The following CDYL2 variants were observed in gnomAD, a reference collection of about 807,000 sequenced individuals.
CDYL2 encodes chromodomain Y like 2.
In CDYL2, 23 loss-of-function variants were observed where a neutral mutation model predicts 49.4. That is an observed-to-expected ratio of 0.47 (90% CI 0.34 to 0.66). CDYL2 has a LOEUF of 0.66. Among genes scored for constraint, CDYL2 ranks in the 30% least tolerant of loss-of-function variants. The pLI is 0.01. For missense variants in CDYL2, 678 were observed against 656.4 expected, an observed-to-expected ratio of 1.03 and a Z score of -0.36; for synonymous variants, 360 against 268.8, an observed-to-expected ratio of 1.34 and a Z score of -3.32.
At chr16:80,698,941 C>T (rs565651478) in intron 1 of CDYL2, among the ~76,000 whole-genome samples, 2 of 151,978 alleles carry the variant, frequency 1.3e-5, no homozygotes, top group African/African-American at 4.8e-5. Flanking sequence ...CAGGAAAATG[C>T]AAATCAAAAC....
intron 1 of CDYL2, among the ~76,000 whole-genome samples, chr16:80,722,665 C>T (rs1378348293): frequency 6.6e-6 from 1 of 152,214 alleles, no homozygotes; most frequent in Non-Finnish European, 1.5e-5. Context: ...AACTGACAGA[C>T]ATCCGAAAAC....
intron 1 of CDYL2, among the ~76,000 whole-genome samples, chr16:80,696,800 G>A (rs921807179): frequency 2.0e-5 from 3 of 151,864 alleles, no homozygotes; most frequent in Non-Finnish European, 4.4e-5. Context: ...TTTAAAGAAG[G>A]ACTCTAAAAC....
intron 2 of CDYL2, among the ~76,000 whole-genome samples, chr16:80,636,495 T>A (rs993450110): frequency 2.0e-5 from 3 of 151,994 alleles, no homozygotes; most frequent in Non-Finnish European, 4.4e-5. Flanking sequence ...CAAATCAAAA[T>A]CACAATGAGA....
chr16:80,639,627 A>C, intron 2 of CDYL2: 1 of 452,698 alleles, frequency 2.2e-6, no homozygotes, highest in Middle Eastern at 5.1e-4. Flanking sequence ...TACACACAAA[A>C]AAAAATACCT....
chr16:80,674,239 T>G (rs1159380489), intron 2 of CDYL2, among the ~76,000 whole-genome samples: 1 of 152,260 alleles, frequency 6.6e-6, no homozygotes, highest in South Asian at 2.1e-4. Flanking sequence ...CTGTGACACT[T>G]GGACTAACTC....
intron 2 of CDYL2, among the ~76,000 whole-genome samples, chr16:80,643,104 G>A (rs939688449): frequency 2.0e-5 from 3 of 152,264 alleles, no homozygotes; most frequent in Non-Finnish European, 4.4e-5. Context: ...AGACACAAGG[G>A]GGGTACAGGT....
intron 1 of CDYL2, among the ~76,000 whole-genome samples, chr16:80,693,750 G>A (rs1910508558): frequency 2.0e-5 from 3 of 152,072 alleles, no homozygotes; most frequent in South Asian, 2.1e-4. Flanking sequence ...TCCTATGGGG[G>A]TGGATTCATG....
At position 80,612,298 on chromosome 16, in the gene CDYL2, G is replaced by A. The variant is rs985435827; in HGVS notation, c.1218+328C>T. Reference sequence around the variant, plus strand: ...ACACCTATGCTGGACCACTCAAGAGGATGAAGGCAAGTTTTGTTGTTAAAG... The same window carrying A: ...ACACCTATGCTGGACCACTCAAGAGAATGAAGGCAAGTTTTGTTGTTAAAG... On this transcript the variant is annotated intron_variant, in intron 5 of 6. Coordinates refer to ENST00000570137, the MANE Select transcript of CDYL2 (RefSeq NM_152342.4). This position sits in a 1 kb window ranked among gnomAD's most constrained non-coding sequence, Gnocchi z 5.0. Among the ~76,000 whole-genome samples the A allele has an allele frequency of 1.1e-4, 17 of 152,162 alleles. No homozygotes were observed. The highest frequency in any genetic ancestry group is 1.1e-3 in the Admixed American group (17 of 15,284).
At chr16:80,680,928 G>A (rs978107556) in intron 2 of CDYL2, among the ~76,000 whole-genome samples, 35 of 152,074 alleles carry the variant, frequency 2.3e-4, no homozygotes, top group African/African-American at 7.0e-4. Flanking sequence ...AGGCAGATGG[G>A]CCCCGGACCA....
intron 3 of CDYL2, among the ~76,000 whole-genome samples, chr16:80,624,294 G>A (rs1328609229): frequency 6.6e-6 from 1 of 152,116 alleles, no homozygotes; most frequent in Non-Finnish European, 1.5e-5. Context: ...GTCAGGACAA[G>A]CCACTCCAGC....
chr16:80,635,404 G>T (rs964385640), intron 2 of CDYL2, among the ~76,000 whole-genome samples: 8 of 152,130 alleles, frequency 5.3e-5, no homozygotes, highest in African/African-American at 1.7e-4. Flanking sequence ...AAAATCACAA[G>T]CATTCCTACA....
chr16:80,705,473 G>T (rs1337044252), intron 1 of CDYL2, among the ~76,000 whole-genome samples: 1 of 152,236 alleles, frequency 6.6e-6, no homozygotes, highest in East Asian at 1.9e-4. Context: ...CTGCTTTCAG[G>T]AATGTTCTAG....
chr16:80,651,523 A>T (rs1908581191), intron 2 of CDYL2, among the ~76,000 whole-genome samples: 1 of 152,216 alleles, frequency 6.6e-6, no homozygotes, highest in African/African-American at 2.4e-5. Flanking sequence ...AATGGAGAAT[A>T]CTAGACATTA....
chr16:80,646,892 G>GAAAA (rs58154796), intron 2 of CDYL2, among the ~76,000 whole-genome samples: 1 of 143,660 alleles, frequency 7.0e-6, no homozygotes, highest in African/African-American at 2.5e-5. Flanking sequence ...CAAATAGACT[G>GAAAA]AAAAAAAAAA....
chr16:80,723,741 T>C lies in CDYL2; in HGVS notation c.25-38612A>G, dbSNP rs148522311. Reference sequence around the variant, plus strand: ...TAGCTACTTTCAAAACTGCAGAACATGAGTAGTGGTGACAGAGACCAAATG... The same window carrying C: ...TAGCTACTTTCAAAACTGCAGAACACGAGTAGTGGTGACAGAGACCAAATG... On this transcript the variant is annotated intron_variant, in intron 1 of 6. Transcript: ENST00000570137. 2.6e-3 allele frequency among the ~76,000 whole-genome samples: 389 copies of C among 152,252 alleles called. 3 individuals carry two copies. Among genetic ancestry groups the C allele is most frequent in the African/African-American group, 8.9e-3 (369 of 41,538 alleles).
At chr16:80,606,002 T>C (rs901868573) in intron 6 of CDYL2, among the ~76,000 whole-genome samples, 4 of 152,262 alleles carry the variant, frequency 2.6e-5, no homozygotes, top group African/African-American at 9.6e-5. Context: ...TGCCGCCCTC[T>C]GGCAGACGTT....
chr16:80,626,587 A>T (rs375034882), intron 3 of CDYL2, among the ~76,000 whole-genome samples: 6 of 152,192 alleles, frequency 3.9e-5, no homozygotes, highest in East Asian at 3.9e-4. Flanking sequence ...AATAAAGAAC[A>T]CCCAATCACT....
intron 2 of CDYL2, among the ~76,000 whole-genome samples, chr16:80,678,273 AAC>A (rs1484928462): frequency 6.6e-6 from 1 of 152,228 alleles, no homozygotes; most frequent in African/African-American, 2.4e-5. Context: ...GATCTAATTA[AAC>A]TAAAGAGCTT....
In CDYL2 at chr16:80,620,928, T is replaced by C. The variant is rs756500412; in HGVS notation, c.842A>G (p.Lys281Arg). The change falls in exon 4 of 7, where the codon AAA becomes AGA. Residue 281 changes from lysine to arginine, a missense_variant. Around this residue, in one of 3 missense-constraint regions of CDYL2, gnomAD observed 478 missense variants for 427.0 expected, o/e 1.12. Coordinates refer to ENST00000570137, the MANE Select transcript of CDYL2 (RefSeq NM_152342.4). ...GTTGCAGAGCGCTCGCCGGACTTCTTTCATGATCTGCCGGCAGAGATGAAT... is the reference window on the plus strand; with the variant it reads ...GTTGCAGAGCGCTCGCCGGACTTCTCTCATGATCTGCCGGCAGAGATGAAT... ...DNNALTPEIM[K>R]EVRRALCNAA... The C allele has an allele frequency of 1.9e-6, 3 of 1,595,736 alleles. No individual in the cohort carries two copies. The highest frequency in any genetic ancestry group is 1.7e-6 in the Non-Finnish European group (2 of 1,167,766).
Sources: gnomAD v4.1 joint callset for allele counts (sites outside exome capture counted in the v4.1 genomes callset) on GRCh38, gnomAD v4.1.1 for gene constraint, gnomAD v4.1.1 regional missense constraint, Gnocchi (gnomAD v3.1) non-coding constraint, MANE v1.5 for transcripts, NCBI Gene and HGNC (gene_info 2026-07-23, HGNC 2026-07-21) for gene names.